SPAST: variants seen among roughly 807,000 people sequenced by gnomAD.
SPAST encodes spastin.
SPAST carries 30 observed loss-of-function variants against 76.6 expected under a neutral mutation model. That is an observed-to-expected ratio of 0.39 (90% CI 0.29 to 0.53). The LOEUF is 0.53. Among genes scored for constraint, SPAST ranks in the 20% least tolerant of loss-of-function variants. The pLI is 0.68. For missense variants in SPAST, 717 were observed against 770.5 expected, an observed-to-expected ratio of 0.93 and a Z score of 0.82; for synonymous variants, 305 against 281.0, an observed-to-expected ratio of 1.09 and a Z score of -0.86.
At chr2:32,115,669 G>T in intron 5 of SPAST, 33 bp from the exon 6 acceptor site, 2 of 1,512,700 alleles carry the variant, frequency 1.3e-6, no homozygotes, top group Non-Finnish European at 1.8e-6. Context: ...ATGTTAGGTT[G>T]TATTTTCATA....
intron 3 of SPAST, 89 bp from the exon 4 acceptor site, chr2:32,098,707 A>G (rs566696630): frequency 2.3e-6 from 2 of 855,208 alleles, no homozygotes; most frequent in African/African-American, 3.3e-5. Flanking sequence ...ACCTTGAGTA[A>G]TTTGTCATTT....
At chr2:32,105,013 G>T (rs1391258854) in intron 4 of SPAST, among the ~76,000 whole-genome samples, 13 of 152,106 alleles carry the variant, frequency 8.5e-5, no homozygotes, top group Admixed American at 8.5e-4. Flanking sequence ...TGCTAGGTTG[G>T]GGAACTTCTC....
chr2:32,064,872 T>G (rs928221005), intron 1 of SPAST, among the ~76,000 whole-genome samples: 1 of 152,214 alleles, frequency 6.6e-6, no homozygotes, highest in African/African-American at 2.4e-5. Flanking sequence ...AAAACAGTAT[T>G]CCAAAGTAGC....
chr2:32,147,400 G>T (rs1679928399), intron 16 of SPAST, 142 bp downstream of exon 16: 1 of 549,894 alleles, frequency 1.8e-6, no homozygotes, highest in Non-Finnish European at 3.0e-6. Flanking sequence ...TCGGCTCACT[G>T]CAACCTCCAC....
intron 3 of SPAST, among the ~76,000 whole-genome samples, chr2:32,098,166 A>G (rs1367358992): frequency 6.6e-6 from 1 of 151,986 alleles, no homozygotes; most frequent in Non-Finnish European, 1.5e-5. Flanking sequence ...AAATTGATTC[A>G]TTTTTTAATC....
intron 7 of SPAST, among the ~76,000 whole-genome samples, chr2:32,118,799 G>A (rs1164085377): frequency 2.0e-5 from 3 of 150,460 alleles, no homozygotes; most frequent in Non-Finnish European, 2.9e-5. Context: ...TGCTTTTTAC[G>A]GTAGAAAAAT....
chr2:32,081,781 CAAAAAAAAAA>C (rs34078147), intron 1 of SPAST, among the ~76,000 whole-genome samples: 4 of 44,384 alleles, frequency 9.0e-5, no homozygotes, highest in Admixed American at 3.8e-4. Context: ...GAGACACTGT[CAAAAAAAAAA>C]AAAAAAAAAA....
intron 8 of SPAST, 46 bp downstream of exon 8, chr2:32,127,068 A>G: frequency 4.6e-6 from 6 of 1,303,698 alleles, no homozygotes; most frequent in Non-Finnish European, 6.7e-6. Context: ...GATATTTGGG[A>G]TAATATGAAA....
chr2:32,134,298 C>G (rs191038281), intron 9 of SPAST, among the ~76,000 whole-genome samples: 2 of 151,966 alleles, frequency 1.3e-5, no homozygotes, highest in East Asian at 1.9e-4. Flanking sequence ...GTCAGGAGTT[C>G]GAGACCAGCC....
Position 32,072,389 on chromosome 2 carries a change from T to C in SPAST, c.415+8143T>C, listed in dbSNP as rs370615972. 1.5e-3 allele frequency among the ~76,000 whole-genome samples: 235 copies of C among 152,294 alleles called. 9 individuals are homozygous for C. The South Asian group carries it at 0.047, about 30-fold the overall frequency. On this transcript the variant is annotated intron_variant, in intron 1 of 16. Coordinates refer to ENST00000315285, the MANE Select transcript of SPAST (RefSeq NM_014946.4). ...CATGGCCTGCTATCTGACGTGATGC[T>C]GTACTAGAGTCAGGCTGGGAATTTG...
chr2:32,087,395 A>G (rs1382910509), intron 1 of SPAST, 97 bp from the exon 2 acceptor site: 2 of 713,960 alleles, frequency 2.8e-6, no homozygotes, highest in African/African-American at 1.8e-5. Context: ...AGACTTGTTC[A>G]CAACCCTGTT....
chr2:32,134,166 G>A (rs1362537054), intron 9 of SPAST, among the ~76,000 whole-genome samples: 1 of 152,080 alleles, frequency 6.6e-6, no homozygotes. Flanking sequence ...ATCCCAAGTA[G>A]CTGGGACTAT....
chr2:32,109,721 CTA>C (rs1371326382), intron 4 of SPAST, among the ~76,000 whole-genome samples: 9 of 148,246 alleles, frequency 6.1e-5, no homozygotes, highest in African/African-American at 2.0e-4. Context: ...CTAAAAATAA[CTA>C]TATGTATATA....
chr2:32,126,049 C>T (rs1028194487), intron 7 of SPAST, among the ~76,000 whole-genome samples: 3 of 152,180 alleles, frequency 2.0e-5, no homozygotes, highest in Non-Finnish European at 4.4e-5. Context: ...CCCGCCTTGG[C>T]CTCCCAAAGT....
At chr2:32,147,662 C>T (rs1679940052) in intron 16 of SPAST, among the ~76,000 whole-genome samples, 1 of 151,262 alleles carries the variant, frequency 6.6e-6, no homozygotes, top group South Asian at 2.1e-4. Context: ...GACGGAGTCT[C>T]ACTCTGTCGC....
chr2:32,089,347 A>G (rs1677619726), intron 2 of SPAST, among the ~76,000 whole-genome samples, 175 bp from the exon 3 acceptor site: 1 of 151,368 alleles, frequency 6.6e-6, no homozygotes, highest in Non-Finnish European at 1.5e-5. Flanking sequence ...TAAAGATAGT[A>G]TTTTTAAAAT....
At chr2:32,089,920 C>T (rs540962694) in intron 3 of SPAST, among the ~76,000 whole-genome samples, 126 of 152,220 alleles carry the variant, frequency 8.3e-4, no homozygotes, top group Non-Finnish European at 1.2e-3. Flanking sequence ...CCCGCCACCA[C>T]GCCCCGCTAA....
At chr2:32,088,265 T>A (rs929009620) in intron 2 of SPAST, among the ~76,000 whole-genome samples, 1 of 152,186 alleles carries the variant, frequency 6.6e-6, no homozygotes, top group Non-Finnish European at 1.5e-5. Context: ...ACTTCTGGCC[T>A]CAAGTGATCC....
chr2:32,064,300 TCGCCGGGGG>T, intron 1 of SPAST, 54 bp downstream of exon 1: 1 of 482,668 alleles, frequency 2.1e-6, no homozygotes, highest in Non-Finnish European at 4.0e-6. Flanking sequence ...GGCGGTGGGG[TCGCCGGGGG>T]AGGGCAACAC....
Sources: allele counts gnomAD v4.1 joint callset (sites outside exome capture counted in the v4.1 genomes callset), GRCh38; gene constraint gnomAD v4.1.1; transcripts MANE v1.5; gene names NCBI Gene and HGNC (gene_info 2026-07-23, HGNC 2026-07-21).